Variants in CUL7 observed in about 807,000 individuals in gnomAD.
CUL7 encodes cullin 7.
A neutral mutation model predicts 177.7 loss-of-function variants in CUL7; 96 were observed. The observed-to-expected ratio is 0.54, with a 90% CI of 0.46 to 0.64. CUL7 has a LOEUF of 0.64. Ranked by LOEUF, CUL7 falls within the 30% of genes least tolerant of loss-of-function variation. The pLI, the probability that CUL7 is intolerant of heterozygous loss-of-function variation, is 0.00. For missense variants in CUL7, 1,893 were observed against 2,187.9 expected (o/e 0.87, Z 2.69); for synonymous variants, 824 against 890.2 (o/e 0.93, Z 1.32).
rs1228920191 is a variant in CUL7, at chr6:43,040,697, C to G, written c.3856G>C (p.Gly1286Arg). 6.2e-7 allele frequency: 1 copy of G among 1,614,192 alleles called. No homozygotes were observed. The stretch of plus-strand genomic sequence containing the variant: ...GGACCGATCTGCTCCAGCACGGCCC[C>G]CTCCAGCCAGCTCGAGACCACGCCC... ...LLGVVSSWLE[G>R]AVLEQIGPCF... is the part of the protein sequence containing the mutation. Residue 1286 changes from glycine (G) to arginine (R), a missense_variant, in exon 21 of 26, where the codon GGG (glycine) becomes CGG (arginine). Gly to Arg is a moderately radical substitution (Grantham distance 125). Transcript: ENST00000265348. The surrounding 1 kb of genome is among the most constrained non-coding windows in gnomAD (Gnocchi z 4.2).
chr6:43,051,451 G>A lies in CUL7; in HGVS notation c.750C>T (p.Leu250=). The change falls in exon 4 of 26, where the codon CTC becomes CTT. Residue 250 remains leucine (L), a synonymous_variant. Transcript: ENST00000265348. This position sits in a 1 kb window ranked among gnomAD's most constrained non-coding sequence, Gnocchi z 5.0. ...GCAAATACCGCTTCACCAGGGAGAA[G>A]AGCACCCTTCCTGGGACCTGTGGGA... is the stretch of plus-strand genomic sequence containing the variant. ...IQLPQVPGRV[L]FSLVKRYLHV... 6.2e-7 allele frequency: 1 copy of A among 1,613,984 alleles called. No homozygotes were observed. The highest frequency in any genetic ancestry group is 1.3e-5 in the African/African-American group (1 of 75,040).
chr6:43,047,846 G>A (rs1268428159), intron 9 of CUL7: 6 of 420,216 alleles, frequency 1.4e-5, no homozygotes, highest in Non-Finnish European at 2.6e-5. Context: ...GGGAACACGG[G>A]AAAGATACAT....
In CUL7 at chr6:43,037,734, G is replaced by A; in HGVS notation, c.5051C>T (p.Pro1684Leu). The change falls in exon 26 of 26, where the codon CCC becomes CTC. Residue 1684 changes from proline to leucine, a missense_variant. Around this residue, in one of 5 missense-constraint regions of CUL7, gnomAD observed 248 missense variants for 262.5 expected, o/e 0.94. Coordinates refer to ENST00000265348, the MANE Select transcript of CUL7 (RefSeq NM_014780.5). ...HTLQIRSRGV[P>L]YASCTATQSF... is the part of the protein sequence containing the mutation. ...CTGGGTGGCAGTGCAGGAGGCATAG[G>A]GCACACCCCGGGAGCGAATCTGTAG... The A allele has an allele frequency of 6.4e-7, 1 of 1,568,366 alleles. No individual in the cohort carries two copies. The highest frequency in any genetic ancestry group is 8.6e-7 in the Non-Finnish European group (1 of 1,156,396).
chr6:43,046,870 T>C lies in CUL7; in HGVS notation c.2397+10A>G. 1.3e-6 allele frequency: 2 copies of C among 1,546,470 alleles called. No homozygotes were observed. Among genetic ancestry groups the C allele is most frequent in the Non-Finnish European group, 1.8e-6 (2 of 1,118,378 alleles). ...CCACTCTAAGCCCACAAGCTCCCCTTCCTCCTGACCTGGATGCAGCCTCCC... is the reference window on the plus strand; with the variant it reads ...CCACTCTAAGCCCACAAGCTCCCCTCCCTCCTGACCTGGATGCAGCCTCCC... On this transcript the variant is annotated intron_variant, in intron 10 of 25. Transcript: ENST00000265348.
In CUL7 at chr6:43,053,528, G is replaced by A; in HGVS notation, c.-9+94C>T. On this transcript the variant is annotated intron_variant, in intron 1 of 25. Transcript: ENST00000265348. The surrounding 1 kb of genome is among the most constrained non-coding windows in gnomAD (Gnocchi z 4.1). ...CCCATAAGCTAGAACCCCGAGGCAC[G>A]GTAGGATGGGGACCGAGGTTGGGTG... is the stretch of plus-strand genomic sequence containing the variant. The A allele has an allele frequency of 1.2e-6, 1 of 844,772 alleles. No individual in the cohort carries two copies. Among genetic ancestry groups the A allele is most frequent in the Non-Finnish European group, 1.6e-6 (1 of 617,488 alleles). 52.3% of individuals were successfully genotyped at this position (844,772 alleles called of 1,614,324 possible).
Position 43,041,088 on chromosome 6 carries a change from A to G in CUL7, c.3646-13T>C. 6.2e-7 allele frequency: 1 copy of G among 1,613,426 alleles called. No homozygotes were observed. The highest frequency in any genetic ancestry group is 8.5e-7 in the Non-Finnish European group (1 of 1,179,760). Reference sequence around the variant, plus strand: ...ACTGCTCACTCACCTGAGCAATGGCAGAGCACAGGAAAGCCATGAATGAGC... The same window carrying G: ...ACTGCTCACTCACCTGAGCAATGGCGGAGCACAGGAAAGCCATGAATGAGC... On this transcript the variant is annotated splice_polypyrimidine_tract_variant and intron_variant, in intron 19 of 25. Coordinates refer to ENST00000265348, the MANE Select transcript of CUL7 (RefSeq NM_014780.5).
intron 7 of CUL7, among the ~76,000 whole-genome samples, chr6:43,048,836 C>T (rs1764156213): frequency 6.6e-6 from 1 of 151,102 alleles, no homozygotes; most frequent in Non-Finnish European, 1.5e-5. Flanking sequence ...GGCATGATCT[C>T]GGCTCACTGC....
rs185741954 is a variant in CUL7, at chr6:43,038,371, C to T, written c.4669G>A (p.Gly1557Ser). The T allele has an allele frequency of 1.3e-5, 21 of 1,614,196 alleles. No homozygotes were observed. The highest frequency in any genetic ancestry group is 1.2e-4 in the Admixed American group (7 of 60,028). ...QTYLQAEGED[G>S]QNLEKRRNLL... ...TTCCGTCTCTTCTCCAAGTTCTGGC[C>T]GTCTTCACCCTCAGCTTGCAGGTAC... is the stretch of plus-strand genomic sequence containing the variant. Residue 1557 changes from glycine to serine, a missense_variant, in exon 25 of 26, where the codon GGC becomes AGC. By Grantham distance (56) the Gly-to-Ser change is moderately conservative. Around this residue, in one of 5 missense-constraint regions of CUL7, gnomAD observed 248 missense variants for 262.5 expected, o/e 0.94. Transcript: ENST00000265348.
rs772138262 is a variant in CUL7, at chr6:43,038,979, G to A, written c.4303C>T (p.His1435Tyr). The change falls in exon 23 of 26, where the codon CAC becomes TAC. Residue 1435 changes from histidine to tyrosine, a missense_variant. Physicochemically the swap from His to Tyr is moderately conservative, Grantham distance 83. Coordinates refer to ENST00000265348, the MANE Select transcript of CUL7 (RefSeq NM_014780.5). ...YSNFYNKSQS[H>Y]PALERGSQRR... ...TGTGAGCCTCGCTCAAGGGCAGGGT[G>A]GCTCTGACCTGGACCAGGAAGGGGG... 1.6e-5 allele frequency: 25 copies of A among 1,608,932 alleles called. No homozygotes were observed. Among genetic ancestry groups the A allele is most frequent in the South Asian group, 4.4e-5 (4 of 90,976 alleles).
Position 43,052,148 on chromosome 6 carries a change from G to A in CUL7, c.580+61C>T, listed in dbSNP as rs1764466271. On this transcript the variant is annotated intron_variant, in intron 2 of 25. Transcript: ENST00000265348. The surrounding 1 kb of genome is among the most constrained non-coding windows in gnomAD (Gnocchi z 4.5). ...AGAGGCTCCTGCCACAGTGTCCTGT[G>A]AGTCCCTGAGCCGACCCAGCCCTTC... 2 of 1,600,008 alleles carry A rather than the reference G, an allele frequency of 1.2e-6. No individual in the cohort carries two copies. Among genetic ancestry groups the A allele is most frequent in the Middle Eastern group, 1.6e-4 (1 of 6,068 alleles).
rs1763140310 is a variant in CUL7 at position 43,038,479 on chromosome 6, T to TA, written c.4568-8dup. 1.2e-6 allele frequency: 2 copies of TA among 1,613,922 alleles called. No homozygotes were observed. The highest frequency in any genetic ancestry group is 2.2e-5 in the South Asian group (2 of 91,082). Reference sequence around the variant, plus strand: ...TCTCGAATCTTGAGGACCCCTGAAATAAATGCTGATCACTCACTCAGTGGA... The same window carrying TA: ...TCTCGAATCTTGAGGACCCCTGAAATAAAATGCTGATCACTCACTCAGTGGA... On this transcript the variant is annotated splice_region_variant and splice_polypyrimidine_tract_variant and intron_variant, in intron 24 of 25. Transcript: ENST00000265348.
chr6:43,041,680 A>AGGAAGGGGAAGGGAAG (rs1238969956), intron 19 of CUL7, among the ~76,000 whole-genome samples: 10 of 148,046 alleles, frequency 6.8e-5, no homozygotes, highest in South Asian at 6.7e-4. Flanking sequence ...GGGAAGGGAA[A>AGGAAGGGGAAGGGAAG]GGAAGGGGAA....
In CUL7 at chr6:43,052,580, G is replaced by C. The variant is rs1399275982; in HGVS notation, c.209C>G (p.Ser70Cys). Reference sequence around the variant, plus strand: ...GCAGTTGGCATAGATCTCATCCTTGGACATCCACAGCAGGATGTGCTCAGC... The same window carrying C: ...GCAGTTGGCATAGATCTCATCCTTGCACATCCACAGCAGGATGTGCTCAGC... ...CKAEHILLWM[S>C]KDEIYANCHK... The change falls in exon 2 of 26, where the codon TCC (serine) becomes TGC (cysteine). Residue 70 changes from serine to cysteine, a missense_variant. This residue lies in a region of CUL7 where 653 missense variants were observed against 725.2 expected (regional missense o/e 0.90). Coordinates refer to ENST00000265348, the MANE Select transcript of CUL7 (RefSeq NM_014780.5). The surrounding 1 kb of genome is among the most constrained non-coding windows in gnomAD (Gnocchi z 4.5). 1.9e-6 allele frequency: 3 copies of C among 1,614,208 alleles called. No individual in the cohort carries two copies. In the East Asian group the frequency reaches 6.7e-5, roughly 36 times the overall value.
chr6:43,052,318 G>C lies in CUL7; in HGVS notation c.471C>G (p.Phe157Leu). The change falls in exon 2 of 26, where the codon TTC becomes TTG. Residue 157 changes from phenylalanine (F) to leucine (L), a missense_variant. Phe to Leu is a conservative substitution (Grantham distance 22). This residue lies in a region of CUL7 where 653 missense variants were observed against 725.2 expected (regional missense o/e 0.90). Coordinates refer to ENST00000265348, the MANE Select transcript of CUL7 (RefSeq NM_014780.5). This position sits in a 1 kb window ranked among gnomAD's most constrained non-coding sequence, Gnocchi z 4.5. ...GCAAGTCCAGGACCCTTGGGTCCTT[G>C]AATACTCCAGTGAGGGGCTCAATGC... is the stretch of plus-strand genomic sequence containing the variant. Reference protein sequence around the residue: ...YASIEPLTGVFKDPRVLDLLM... With the variant: ...YASIEPLTGVLKDPRVLDLLM... The C allele has an allele frequency of 6.2e-7, 1 of 1,614,250 alleles. No individual in the cohort carries two copies. Among genetic ancestry groups the C allele is most frequent in the East Asian group, 2.2e-5 (1 of 44,894 alleles).
At chr6:43,048,059 C>T (rs1764063103) in intron 9 of CUL7, 89 bp downstream of exon 9, 4 of 798,160 alleles carry the variant, frequency 5.0e-6, no homozygotes, top group Non-Finnish European at 8.6e-6. Context: ...CTCTATCACG[C>T]CCTCCAGAGC....
chr6:43,048,166 G>C lies in CUL7; in HGVS notation c.2151C>G (p.Ser717=), dbSNP rs1028441116. 6.2e-7 allele frequency: 1 copy of C among 1,612,618 alleles called. No individual in the cohort carries two copies. Among genetic ancestry groups the C allele is most frequent in the African/African-American group, 1.3e-5 (1 of 74,886 alleles). ...AVDACMACLR[S]PNTDREVLQE... ...GGGGTACCTCTCGATCAGTGTTTGG[G>C]GACCGCAGGCAGGCCATGCAGGCAT... is the stretch of plus-strand genomic sequence containing the variant. Residue 717 remains serine (S), a synonymous_variant, in exon 9 of 26, where the codon TCC becomes TCG. Coordinates refer to ENST00000265348, the MANE Select transcript of CUL7 (RefSeq NM_014780.5).
rs1344646502 is a variant in CUL7, at chr6:43,053,606, G to A, written c.-9+16C>T. 18 of 1,345,292 alleles carry A rather than the reference G, an allele frequency of 1.3e-5. No individual in the cohort carries two copies. Among genetic ancestry groups the A allele is most frequent in the South Asian group, 1.3e-4 (7 of 54,170 alleles). 83.3% of individuals were successfully genotyped at this position (1,345,292 alleles called of 1,614,324 possible). On this transcript the variant is annotated intron_variant, in intron 1 of 25. Coordinates refer to ENST00000265348, the MANE Select transcript of CUL7 (RefSeq NM_014780.5). The surrounding 1 kb of genome is among the most constrained non-coding windows in gnomAD (Gnocchi z 4.1). ...AGGGAAGGAGAAGCAAGGGGCCGCG[G>A]TGGGGCTCTGGCCACCTCAGAAGTC...
chr6:43,047,184 A>C (rs1163057286), intron 9 of CUL7, 77 bp from the exon 10 acceptor site: 1 of 829,582 alleles, frequency 1.2e-6, no homozygotes, highest in Non-Finnish European at 2.1e-6. Flanking sequence ...GCAGGTACCC[A>C]CTGTGTACTC....
chr6:43,044,094 G>A (rs1489989877), intron 16 of CUL7, among the ~76,000 whole-genome samples: 1 of 151,804 alleles, frequency 6.6e-6, no homozygotes, highest in African/African-American at 2.4e-5. Flanking sequence ...AGACTGAGGC[G>A]GGTGGATCAC....
Sources: gnomAD v4.1 joint callset for allele counts (sites outside exome capture counted in the v4.1 genomes callset) on GRCh38, gnomAD v4.1.1 for gene constraint, gnomAD v4.1.1 regional missense constraint, Gnocchi (gnomAD v3.1) non-coding constraint, MANE v1.5 for transcripts, NCBI Gene and HGNC (gene_info 2026-07-23, HGNC 2026-07-21) for gene names.